Variants in SEL1L2 observed in about 807,000 individuals in gnomAD.
The protein encoded by SEL1L2 is SEL1L2 adaptor subunit of SYVN1 ubiquitin ligase.
SEL1L2 carries 89 observed loss-of-function variants against 98.8 expected under a neutral mutation model. The ratio of observed to expected loss-of-function variants is 0.90; its 90% CI spans 0.76 to 1.07. The LOEUF (loss-of-function observed/expected upper bound fraction) is 1.07. Among genes scored for constraint, SEL1L2 ranks in the 50% least tolerant of loss-of-function variants. The pLI, the probability that SEL1L2 is intolerant of heterozygous loss-of-function variation, is 0.00. For synonymous variants in SEL1L2, 262 were observed against 278.5 expected (o/e 0.94, Z 0.59); for missense variants, 788 against 812.0 (o/e 0.97, Z 0.36).
intron 1 of SEL1L2, among the ~76,000 whole-genome samples, chr20:13,987,080 C>T (rs1454908349): frequency 1.3e-5 from 2 of 151,362 alleles, no homozygotes; most frequent in East Asian, 3.9e-4. Context: ...ATCTGCCCAC[C>T]TCAGCCCCCC....
chr20:13,994,295 CAAAAAAA>C (rs10557935), upstream of SEL1L2, among the ~76,000 whole-genome samples: 31 of 70,968 alleles, frequency 4.4e-4, no homozygotes, highest in Middle Eastern at 9.6e-3. Flanking sequence ...AACTCTGCCT[CAAAAAAA>C]AAAAAAAAAA....
intron 15 of SEL1L2, 34 bp downstream of exon 15, chr20:13,866,668 A>G (rs376519981): frequency 6.7e-7 from 1 of 1,488,880 alleles, no homozygotes; most frequent in African/African-American, 1.4e-5. Context: ...CATATATGAC[A>G]AGTGCTTTAA....
chr20:13,861,109 A>G, intron 17 of SEL1L2, among the ~76,000 whole-genome samples: 1 of 152,052 alleles, frequency 6.6e-6, no homozygotes, highest in South Asian at 2.1e-4. Context: ...TAGGCTTCAA[A>G]CCCTTCTTTT....
intron 8 of SEL1L2, 107 bp from the exon 9 acceptor site, chr20:13,886,549 A>C: frequency 1.2e-5 from 12 of 987,556 alleles, no homozygotes; most frequent in Non-Finnish European, 1.6e-5. Flanking sequence ...TTGTGCAGAA[A>C]TCTGTTCAAC....
At chr20:13,987,332 G>T (rs6042469) in intron 1 of SEL1L2, among the ~76,000 whole-genome samples, 1,125 of 97,580 alleles carry the variant, frequency 0.012, 12 homozygotes, top group African/African-American at 0.044. Context: ...TTTTTTTTTT[G>T]TTGTTGTTGT....
At chr20:13,928,839 T>G (rs976970254) in intron 3 of SEL1L2, among the ~76,000 whole-genome samples, 1 of 152,190 alleles carries the variant, frequency 6.6e-6, no homozygotes, top group Non-Finnish European at 1.5e-5. Flanking sequence ...AAATGTAAAA[T>G]GTTACACTTA....
rs536711821 is a variant in SEL1L2, at chr20:13,972,068, C to T, written c.59-15937G>A. On this transcript the variant is annotated intron_variant, in intron 1 of 19. Transcript: ENST00000284951. ...GTGTGTGTGAGGACACACACACACA[C>T]GCCCTCTATGTTCCTCTTTGTGAAA... Among the ~76,000 whole-genome samples the T allele has an allele frequency of 1.1e-3, 175 of 152,240 alleles. 4 individuals are homozygous for T. The South Asian group carries it at 0.028, about 24-fold the overall frequency.
intron 18 of SEL1L2, among the ~76,000 whole-genome samples, chr20:13,853,671 G>A (rs116655468): frequency 0.01 from 1,561 of 152,274 alleles, 17 homozygotes; most frequent in African/African-American, 0.036. Context: ...TGAAGATATT[G>A]AGGCACAGAG....
chr20:13,930,802 C>T (rs556508452), intron 3 of SEL1L2, among the ~76,000 whole-genome samples: 10 of 152,226 alleles, frequency 6.6e-5, no homozygotes, highest in South Asian at 6.2e-4. Flanking sequence ...CCATGGTTCT[C>T]AATTTCTATC....
chr20:13,986,256 A>T (rs957719226), intron 1 of SEL1L2, among the ~76,000 whole-genome samples: 1 of 152,192 alleles, frequency 6.6e-6, no homozygotes, highest in Non-Finnish European at 1.5e-5. Context: ...GGTGAAATCC[A>T]TATAACATAA....
chr20:13,875,460 C>T (rs1489134230), intron 12 of SEL1L2, among the ~76,000 whole-genome samples: 1 of 152,168 alleles, frequency 6.6e-6, no homozygotes, highest in Non-Finnish European at 1.5e-5. Context: ...CACAGAGAGG[C>T]TAAGTAACTT....
intron 17 of SEL1L2, 66 bp from the exon 18 acceptor site, chr20:13,859,500 C>T (rs903312256): frequency 4.6e-5 from 64 of 1,383,840 alleles, no homozygotes; most frequent in Non-Finnish European, 6.3e-5. Context: ...CTCAGGAATT[C>T]AACCTAGTAA....
At chr20:13,925,282 C>T (rs890565119) in intron 3 of SEL1L2, among the ~76,000 whole-genome samples, 3 of 152,152 alleles carry the variant, frequency 2.0e-5, no homozygotes, top group Non-Finnish European at 4.4e-5. Flanking sequence ...GTTTCTGTTG[C>T]TTCTGTCAGG....
intron 5 of SEL1L2, among the ~76,000 whole-genome samples, chr20:13,912,270 A>G (rs1231398375): frequency 6.7e-6 from 1 of 149,156 alleles, no homozygotes; most frequent in African/African-American, 2.5e-5. Context: ...ATGGCATAGC[A>G]TCTGGACTTT....
chr20:13,968,265 C>G (rs1395047064), intron 1 of SEL1L2, among the ~76,000 whole-genome samples: 1 of 152,184 alleles, frequency 6.6e-6, no homozygotes, highest in East Asian at 1.9e-4. Context: ...AATAACTCAG[C>G]TTTGCTGAGA....
chr20:13,943,471 G>T (rs960485819), intron 2 of SEL1L2, among the ~76,000 whole-genome samples: 7 of 100,444 alleles, frequency 7.0e-5, no homozygotes, highest in Non-Finnish European at 1.1e-4. Flanking sequence ...ATTATCAAAA[G>T]AGCTCTGGGT....
intron 1 of SEL1L2, among the ~76,000 whole-genome samples, chr20:13,983,040 A>AAAAAAAAAAAAAAAAAC: frequency 7.0e-6 from 1 of 142,688 alleles, no homozygotes; most frequent in Non-Finnish European, 1.5e-5. Context: ...AAAAAAAAAA[A>AAAAAAAAAAAAAAAAAC]AAAAAAAAGC....
At chr20:13,968,317 T>A (rs2051139122) in intron 1 of SEL1L2, among the ~76,000 whole-genome samples, 1 of 152,248 alleles carries the variant, frequency 6.6e-6, no homozygotes. Context: ...TAGATACAAG[T>A]AAAGAGCTTA....
chr20:13,950,752 C>T (rs2050222181), intron 2 of SEL1L2, among the ~76,000 whole-genome samples: 1 of 152,134 alleles, frequency 6.6e-6, no homozygotes. Flanking sequence ...AGACCACGAG[C>T]TACGTTTCTA....
Sources: allele counts gnomAD v4.1 joint callset (sites outside exome capture counted in the v4.1 genomes callset), GRCh38; gene constraint gnomAD v4.1.1; transcripts MANE v1.5; gene names NCBI Gene and HGNC (gene_info 2026-07-23, HGNC 2026-07-21).